The following KIRREL3 variants were observed in gnomAD, a reference collection of about 807,000 sequenced individuals.
The protein encoded by KIRREL3 is kirre like nephrin family adhesion molecule 3, also known as kin of IRRE-like protein 3.
Under a neutral mutation model 89.7 loss-of-function variants are expected in KIRREL3, and 36 were observed. The observed-to-expected ratio is 0.40, with a 90% CI of 0.31 to 0.53. The LOEUF (loss-of-function observed/expected upper bound fraction) is 0.53. Among genes scored for constraint, KIRREL3 ranks in the 20% least tolerant of loss-of-function variants. The probability of loss-of-function intolerance (pLI) is 0.49; values close to 1 mark genes in which losing one functional copy is unlikely to be tolerated. For synonymous variants in KIRREL3, 445 were observed against 441.4 expected (o/e 1.01, Z -0.10); for missense variants, 864 against 1,056.6 (o/e 0.82, Z 2.53).
In KIRREL3 at chr11:126,978,873, A is replaced by G. The variant is rs754710748; in HGVS notation, c.55+21582T>C. On this transcript the variant is annotated intron_variant, in intron 1 of 16. Transcript: ENST00000525144. This position sits in a 1 kb window ranked among gnomAD's most constrained non-coding sequence, Gnocchi z 4.2. ...TATTCTCTTACCTGGCTTCCCTGTTATGCCCTGTGTCCCTGAATACATTGA... is the reference window on the plus strand; with the variant it reads ...TATTCTCTTACCTGGCTTCCCTGTTGTGCCCTGTGTCCCTGAATACATTGA... 6.6e-6 allele frequency among the ~76,000 whole-genome samples: 1 copy of G among 152,142 alleles called. No individual in the cohort carries two copies. The highest frequency in any genetic ancestry group is 1.5e-5 in the Non-Finnish European group (1 of 68,006).
intron 1 of KIRREL3, among the ~76,000 whole-genome samples, chr11:126,914,283 T>G (rs1226459064): frequency 6.6e-6 from 1 of 152,228 alleles, no homozygotes; most frequent in African/African-American, 2.4e-5. Flanking sequence ...TTTCCTGGGC[T>G]AGGTTACTGG....
chr11:126,456,190 G>T (rs913499131), intron 7 of KIRREL3, among the ~76,000 whole-genome samples, 159 bp downstream of exon 7: 2 of 151,798 alleles, frequency 1.3e-5, no homozygotes, highest in Admixed American at 1.3e-4. Flanking sequence ...CGGCTAGCAG[G>T]CAGGCGGGTT....
At chr11:126,923,215 T>A (rs867477553) in intron 1 of KIRREL3, among the ~76,000 whole-genome samples, 250 of 18,954 alleles carry the variant, frequency 0.013, 64 homozygotes, top group Non-Finnish European at 0.016. Flanking sequence ...TTCTTCTTCT[T>A]CTTCTTCTTC....
In KIRREL3 at chr11:126,955,961, C is replaced by T. The variant is rs560882640; in HGVS notation, c.55+44494G>A. Among the ~76,000 whole-genome samples the T allele has an allele frequency of 3.0e-4, 46 of 152,238 alleles. No homozygotes were observed. Among genetic ancestry groups the T allele is most frequent in the African/African-American group, 9.9e-4 (41 of 41,540 alleles). On this transcript the variant is annotated intron_variant, in intron 1 of 16. Transcript: ENST00000525144. The surrounding 1 kb of genome is among the most constrained non-coding windows in gnomAD (Gnocchi z 4.6). ...ACACAACAAAATGCAAAATGTTAAA[C>T]GTTCTATGAAAAAAGGGACAGGGAA...
chr11:126,497,123 T>G (rs2134353813), intron 4 of KIRREL3, among the ~76,000 whole-genome samples: 1 of 151,732 alleles, frequency 6.6e-6, no homozygotes, highest in East Asian at 1.9e-4. Context: ...TGTGTGTGTG[T>G]GTGTGTGTGA....
At chr11:126,466,175 A>G (rs566357416) in intron 5 of KIRREL3, among the ~76,000 whole-genome samples, 5 of 152,306 alleles carry the variant, frequency 3.3e-5, no homozygotes, top group African/African-American at 1.2e-4. Context: ...GATTAATGAC[A>G]TATTTACTGG....
intron 1 of KIRREL3, among the ~76,000 whole-genome samples, chr11:126,820,318 A>AG (rs11463822): frequency 0.05 from 7,591 of 151,772 alleles, 287 homozygotes; most frequent in African/African-American, 0.11. Context: ...CCTTTAAAAA[A>AG]AAAGTAACCA....
At chr11:126,670,868 C>T (rs1344349356) in intron 1 of KIRREL3, among the ~76,000 whole-genome samples, 1 of 152,142 alleles carries the variant, frequency 6.6e-6, no homozygotes, top group Non-Finnish European at 1.5e-5. Context: ...AGAACAGTCA[C>T]CACAATACTA....
chr11:126,865,011 G>T (rs1347389710), intron 1 of KIRREL3, among the ~76,000 whole-genome samples: 1 of 152,178 alleles, frequency 6.6e-6, no homozygotes, highest in Non-Finnish European at 1.5e-5. Flanking sequence ...AAGCACCTGT[G>T]CATGAACCCA....
At chr11:126,799,873 A>C (rs1950977668) in intron 1 of KIRREL3, among the ~76,000 whole-genome samples, 1 of 152,178 alleles carries the variant, frequency 6.6e-6, no homozygotes, top group African/African-American at 2.4e-5. Flanking sequence ...ATACACCTAA[A>C]AGCGCAGGAG....
intron 1 of KIRREL3, among the ~76,000 whole-genome samples, chr11:126,762,170 CATAAATAA>C (rs1555189986): frequency 2.2e-4 from 33 of 151,282 alleles, no homozygotes; most frequent in Admixed American, 9.9e-4. Flanking sequence ...GTGAGACTGT[CATAAATAA>C]ATAAATAAAT....
rs1322313434 is a variant in KIRREL3, at chr11:126,812,321, G to C, written c.55+188134C>G. Among the ~76,000 whole-genome samples, 1 of 152,114 alleles carries C rather than the reference G, an allele frequency of 6.6e-6. No homozygotes were observed. The highest frequency in any genetic ancestry group is 2.4e-5 in the African/African-American group (1 of 41,420). The stretch of plus-strand genomic sequence containing the variant: ...GTGATAATAATGAGAAGGACTGGGG[G>C]AAAACGAAGTATGCTCTCCAGGCTA... On this transcript the variant is annotated intron_variant, in intron 1 of 16. Coordinates refer to ENST00000525144, the MANE Select transcript of KIRREL3 (RefSeq NM_032531.4). The surrounding 1 kb of genome is among the most constrained non-coding windows in gnomAD (Gnocchi z 5.2).
intron 1 of KIRREL3, among the ~76,000 whole-genome samples, chr11:126,959,727 C>T (rs1949027231): frequency 6.6e-6 from 1 of 152,138 alleles, no homozygotes; most frequent in Non-Finnish European, 1.5e-5. Context: ...CTCCCCTGCT[C>T]CTGATTTCAC....
chr11:126,691,683 G>A (rs533982913), intron 1 of KIRREL3, among the ~76,000 whole-genome samples: 3 of 152,340 alleles, frequency 2.0e-5, no homozygotes, highest in South Asian at 4.1e-4. Flanking sequence ...ATTCGAGAAA[G>A]TGCTTAGTTA....
In KIRREL3 at chr11:126,565,693, G is replaced by T. The variant is rs947821739; in HGVS notation, c.56-2781C>A. On this transcript the variant is annotated intron_variant, in intron 1 of 16. Transcript: ENST00000525144. The surrounding 1 kb of genome is among the most constrained non-coding windows in gnomAD (Gnocchi z 5.4). The stretch of plus-strand genomic sequence containing the variant: ...GAAAATTTGGGATGTCCTTTGGAGA[G>T]ATTTGCAAAGCTAAATTAAAGGTCA... Among the ~76,000 whole-genome samples, 3 of 152,170 alleles carry T rather than the reference G, an allele frequency of 2.0e-5. No individual in the cohort carries two copies. Among genetic ancestry groups the T allele is most frequent in the African/African-American group, 7.2e-5 (3 of 41,438 alleles).
rs1180405033 is a variant in KIRREL3 at position 126,489,179 on chromosome 11, C to T, written c.434-15713G>A. ...AGGACGGAAGCTGTAGATGGATGCGCTGCGTTTGCGGTGGAGAGCCGGCTG... is the reference window on the plus strand; with the variant it reads ...AGGACGGAAGCTGTAGATGGATGCGTTGCGTTTGCGGTGGAGAGCCGGCTG... On this transcript the variant is annotated intron_variant, in intron 4 of 16. Transcript: ENST00000525144. The surrounding 1 kb of genome is among the most constrained non-coding windows in gnomAD (Gnocchi z 5.5). 2.6e-5 allele frequency among the ~76,000 whole-genome samples: 4 copies of T among 152,186 alleles called. No individual in the cohort carries two copies. Among genetic ancestry groups the T allele is most frequent in the African/African-American group, 9.6e-5 (4 of 41,462 alleles).
intron 1 of KIRREL3, among the ~76,000 whole-genome samples, chr11:126,894,542 CAAAAAA>C (rs10630231): frequency 1.9e-3 from 33 of 17,482 alleles, no homozygotes; most frequent in Admixed American, 0.012. Flanking sequence ...GACCTCATCT[CAAAAAA>C]AAAAAAAAAA....
At chr11:126,438,772 T>G (rs1310066854) in intron 11 of KIRREL3, among the ~76,000 whole-genome samples, 2 of 152,278 alleles carry the variant, frequency 1.3e-5, no homozygotes, top group East Asian at 1.9e-4. Flanking sequence ...ATGAACTGAA[T>G]GCTTGAGAAA....
chr11:126,941,965 T>A (rs1206378020), intron 1 of KIRREL3, among the ~76,000 whole-genome samples: 1 of 152,226 alleles, frequency 6.6e-6, no homozygotes, highest in Admixed American at 6.5e-5. Flanking sequence ...ACAATGAGTA[T>A]GCCAGTCTGA....
Sources: gnomAD v4.1 joint callset for allele counts (sites outside exome capture counted in the v4.1 genomes callset) on GRCh38, gnomAD v4.1.1 for gene constraint, Gnocchi (gnomAD v3.1) non-coding constraint, MANE v1.5 for transcripts, NCBI Gene and HGNC (gene_info 2026-07-23, HGNC 2026-07-21) for gene names.